Variants in WFIKKN1 observed in about 807,000 individuals in gnomAD.
The protein encoded by WFIKKN1 is WAP, follistatin/kazal, immunoglobulin, kunitz and netrin domain containing 1, also known as WAP, Kazal, immunoglobulin, Kunitz and NTR domain-containing protein 1.
Under a neutral mutation model 4.6 loss-of-function variants are expected in WFIKKN1, and 6 were observed. That is an observed-to-expected ratio of 1.31 (90% CI 0.72 to 2.59). The LOEUF is 2.59. WFIKKN1 is among the 30% of genes most tolerant of loss of function. The pLI is 0.00. For synonymous variants in WFIKKN1, 468 were observed against 367.4 expected (o/e 1.27, Z -3.13); for missense variants, 964 against 818.0 (o/e 1.18, Z -2.18).
Position 633,513 on chromosome 16 carries a change from G to A in WFIKKN1, c.1103G>A (p.Cys368Tyr), listed in dbSNP as rs1209571796. 3 of 1,507,236 alleles carry A rather than the reference G, an allele frequency of 2.0e-6. No homozygotes were observed. The highest frequency in any genetic ancestry group is 2.6e-6 in the Non-Finnish European group (3 of 1,137,902). 93.4% of individuals were successfully genotyped at this position (1,507,236 alleles called of 1,614,324 possible). The change falls in exon 2 of 2, where the codon TGC becomes TAC. Residue 368 changes from cysteine to tyrosine, a missense_variant. Transcript: ENST00000319070. ...GTGCTGCCTGCCGTGCAGGGCCCCT[G>A]CCGGGGCTGGGAGCCGCGCTGGGCC... The part of the protein sequence containing the change: ...ACVLPAVQGP[C>Y]RGWEPRWAYS...
rs1339936936 is a variant in WFIKKN1, at chr16:631,162, C to CGGAGGGTGGATGCCTGCA, written c.-88_-71dup. ...CTGGTGGGGGCACCGACCACAGGCCCGGAGGGTGGATGCCTGCAGGAAGCT... is the reference window on the plus strand; with the variant it reads ...CTGGTGGGGGCACCGACCACAGGCCCGGAGGGTGGATGCCTGCAGGAGGGTGGATGCCTGCAGGAAGCT... On this transcript the variant is annotated 5_prime_UTR_variant, in exon 1 of 2. The change creates a new upstream start codon in the 5' untranslated region. Coordinates refer to ENST00000319070, the MANE Select transcript of WFIKKN1 (RefSeq NM_053284.3). 7.1e-7 allele frequency: 1 copy of CGGAGGGTGGATGCCTGCA among 1,417,232 alleles called. No individual in the cohort carries two copies. Among genetic ancestry groups the CGGAGGGTGGATGCCTGCA allele is most frequent in the African/African-American group, 1.5e-5 (1 of 67,918 alleles). The allele number at this position is 1,417,232 out of a possible 1,614,324, so 87.8% of individuals were successfully genotyped here.
chr16:633,922 G>A lies in WFIKKN1; in HGVS notation c.1512G>A (p.Met504Ile). ...MTAGDGPLVI[M>I]GEVRDGVAVL... ...CGGGCGACGGGCCGCTGGTCATCAT[G>A]GGTGAGGTGCGCGATGGCGTGGCCG... The change falls in exon 2 of 2, where the codon ATG (methionine) becomes ATA (isoleucine). Residue 504 changes from methionine (M) to isoleucine (I), a missense_variant. Transcript: ENST00000319070. 6.3e-7 allele frequency: 1 copy of A among 1,595,300 alleles called. No individual in the cohort carries two copies. Among genetic ancestry groups the A allele is most frequent in the Non-Finnish European group, 8.5e-7 (1 of 1,171,906 alleles).
chr16:633,938 GGCGTGGCCGTGCTGGACGCCGGC>G lies in WFIKKN1; in HGVS notation c.1529_1551del (p.Gly510GlufsTer44). ...GGTCATCATGGGTGAGGTGCGCGAT[GGCGTGGCCGTGCTGGACGCCGGC>G]AGCTACGTCCGCGCCGCCAGCGAGA... On this transcript the variant is annotated frameshift_variant, in exon 2 of 2. Coordinates refer to ENST00000319070, the MANE Select transcript of WFIKKN1 (RefSeq NM_053284.3). LOFTEE classifies it low-confidence loss of function (END_TRUNC). The G allele has an allele frequency of 1.3e-6, 2 of 1,595,654 alleles. No individual in the cohort carries two copies. Among genetic ancestry groups the G allele is most frequent in the Non-Finnish European group, 1.7e-6 (2 of 1,171,976 alleles).
At chr16:632,455 C>G (rs1010479203) in intron 1 of WFIKKN1, 127 bp from the exon 2 acceptor site, 3 of 1,226,016 alleles carry the variant, frequency 2.4e-6, no homozygotes, top group African/African-American at 1.6e-5. Context: ...ACACTGAGTC[C>G]CCGGGGAGGC....
rs781647041 is a variant in WFIKKN1 at position 633,597 on chromosome 16, G to A, written c.1187G>A (p.Gly396Asp). The A allele has an allele frequency of 5.7e-6, 9 of 1,572,630 alleles. No individual in the cohort carries two copies. The highest frequency in any genetic ancestry group is 4.1e-5 in the African/African-American group (3 of 72,366). Residue 396 changes from glycine to aspartate, a missense_variant, in exon 2 of 2, where the codon GGC (glycine) becomes GAC (aspartate). Gly to Asp is a moderately conservative substitution (Grantham distance 94). Coordinates refer to ENST00000319070, the MANE Select transcript of WFIKKN1 (RefSeq NM_053284.3). ...PFVYGGCEGN[G>D]NNFHSRESCE... Reference sequence around the variant, plus strand: ...GTGTACGGTGGCTGCGAGGGCAACGGCAACAACTTCCACAGCCGCGAGAGC... The same window carrying A: ...GTGTACGGTGGCTGCGAGGGCAACGACAACAACTTCCACAGCCGCGAGAGC...
chr16:632,690 G>C lies in WFIKKN1; in HGVS notation c.280G>C (p.Glu94Gln). Residue 94 changes from glutamate to glutamine, a missense_variant, in exon 2 of 2, where the codon GAG (glutamate) becomes CAG (glutamine). Coordinates refer to ENST00000319070, the MANE Select transcript of WFIKKN1 (RefSeq NM_053284.3). ...PAAPTTAASC[E>Q]GFVCPQQGSD... ...TGCGCCGACGACAGCGGCCTCCTGCGAGGGCTTTGTGTGCCCACAGCAGGG... is the reference window on the plus strand; with the variant it reads ...TGCGCCGACGACAGCGGCCTCCTGCCAGGGCTTTGTGTGCCCACAGCAGGG... 1 of 1,608,396 alleles carries C rather than the reference G, an allele frequency of 6.2e-7. No individual in the cohort carries two copies. Among genetic ancestry groups the C allele is most frequent in the Non-Finnish European group, 8.5e-7 (1 of 1,177,704 alleles).
chr16:631,427 G>A lies in WFIKKN1; in HGVS notation c.171+3G>A, dbSNP rs1340959507. 8 of 1,605,736 alleles carry A rather than the reference G, an allele frequency of 5.0e-6. No individual in the cohort carries two copies. The highest frequency in any genetic ancestry group is 1.7e-5 in the Admixed American group (1 of 59,666). On this transcript the variant is annotated splice_donor_region_variant and intron_variant, in intron 1 of 1. Transcript: ENST00000319070. The stretch of plus-strand genomic sequence containing the variant: ...AGCGCGAGTGTAGCAGGGACCAGGT[G>A]AGTGTGGTCGGGCCGGGGTCCTGGG...
rs765873180 is a variant in WFIKKN1, at chr16:633,319, G to A, written c.909G>A (p.Val303=). 6.3e-7 allele frequency: 1 copy of A among 1,593,690 alleles called. No homozygotes were observed. ...IPAPAECLPD[V]QACTGPTSPH... ...CCCCGGCCGAGTGCCTGCCGGATGT[G>A]CAGGCCTGCACGGGCCCCACTTCCC... The change falls in exon 2 of 2, where the codon GTG becomes GTA. Residue 303 remains valine (V), a synonymous_variant. Coordinates refer to ENST00000319070, the MANE Select transcript of WFIKKN1 (RefSeq NM_053284.3).
At position 634,099 on chromosome 16, in the gene WFIKKN1, G is replaced by A. The variant is rs2036998523; in HGVS notation, c.*42G>A. On this transcript the variant is annotated 3_prime_UTR_variant, in exon 2 of 2. Transcript: ENST00000319070. ...CGCCACCCCGTCCTGGTGAATAAACGCACTCCCTGTGCCTCAGACCTCCTG... is the reference window on the plus strand; with the variant it reads ...CGCCACCCCGTCCTGGTGAATAAACACACTCCCTGTGCCTCAGACCTCCTG... 3.3e-6 allele frequency: 5 copies of A among 1,495,666 alleles called. No homozygotes were observed. Among genetic ancestry groups the A allele is most frequent in the Non-Finnish European group, 2.7e-6 (3 of 1,131,090 alleles). 92.6% of individuals were successfully genotyped at this position (1,495,666 alleles called of 1,614,324 possible). A position where few individuals can be genotyped will look rare whatever the true frequency, so the allele number is the denominator to read the frequency against.
Position 633,107 on chromosome 16 carries a change from C to T in WFIKKN1, c.697C>T (p.Pro233Ser). ...SHQRENLIMR[P>S]DQMYGNVVVT... is the part of the protein sequence containing the mutation. ...CCAGCGAGAGAACCTGATCATGCGC[C>T]CTGATCAGATGTATGGCAACGTGGT... The change falls in exon 2 of 2, where the codon CCT (proline) becomes TCT (serine). Residue 233 changes from proline (P) to serine (S), a missense_variant. By Grantham distance (74) the Pro-to-Ser change is moderately conservative. Transcript: ENST00000319070. 1 of 1,611,766 alleles carries T rather than the reference C, an allele frequency of 6.2e-7. No individual in the cohort carries two copies. Among genetic ancestry groups the T allele is most frequent in the Non-Finnish European group, 8.5e-7 (1 of 1,179,294 alleles).
chr16:631,153 CCACAGGCCCGGAGGGTGGAT>C lies in WFIKKN1; in HGVS notation c.-100_-81del. 1 of 1,375,942 alleles carries C rather than the reference CCACAGGCCCGGAGGGTGGAT, an allele frequency of 7.3e-7. No individual in the cohort carries two copies. The highest frequency in any genetic ancestry group is 9.6e-7 in the Non-Finnish European group (1 of 1,042,732). 85.2% of individuals were successfully genotyped at this position (1,375,942 alleles called of 1,614,324 possible). On this transcript the variant is annotated 5_prime_UTR_variant, in exon 1 of 2. An upstream start codon of the reference 5' UTR is lost. Coordinates refer to ENST00000319070, the MANE Select transcript of WFIKKN1 (RefSeq NM_053284.3). ...CCCGGGGTCCTGGTGGGGGCACCGA[CCACAGGCCCGGAGGGTGGAT>C]GCCTGCAGGAAGCTGGGCTCTGTGG...
At position 632,672 on chromosome 16, in the gene WFIKKN1, A is replaced by C. The variant is rs1356151197; in HGVS notation, c.262A>C (p.Thr88Pro). The C allele has an allele frequency of 2.1e-5, 34 of 1,605,518 alleles. No individual in the cohort carries two copies. Among genetic ancestry groups the C allele is most frequent in the Non-Finnish European group, 2.6e-5 (30 of 1,176,210 alleles). The change falls in exon 2 of 2, where the codon ACG becomes CCG. Residue 88 changes from threonine to proline, a missense_variant. Transcript: ENST00000319070. ...ARFPGSPAAP[T>P]TAASCEGFVC... ...CTTCCCCGGCAGCCCAGCTGCGCCG[A>C]CGACAGCGGCCTCCTGCGAGGGCTT... is the stretch of plus-strand genomic sequence containing the variant.
Position 632,873 on chromosome 16 carries a change from G to C in WFIKKN1, c.463G>C (p.Val155Leu), listed in dbSNP as rs774157032. 3 of 1,575,636 alleles carry C rather than the reference G, an allele frequency of 1.9e-6. No individual in the cohort carries two copies. Among genetic ancestry groups the C allele is most frequent in the African/African-American group, 2.7e-5 (2 of 73,786 alleles). Residue 155 changes from valine (V) to leucine (L), a missense_variant, in exon 2 of 2, where the codon GTG (valine) becomes CTG (leucine). By Grantham distance (32) the Val-to-Leu change is conservative. Transcript: ENST00000319070. ...CCTGCGGGGCCTGCACCTCCACATCGTGCCCTGCAAGCACGTGCTCAGCTG... is the reference window on the plus strand; with the variant it reads ...CCTGCGGGGCCTGCACCTCCACATCCTGCCCTGCAAGCACGTGCTCAGCTG... The part of the protein sequence containing the change: ...ACLRGLHLHI[V>L]PCKHVLSWPP...
At position 633,834 on chromosome 16, in the gene WFIKKN1, C is replaced by G; in HGVS notation, c.1424C>G (p.Thr475Ser). The G allele has an allele frequency of 1.2e-6, 2 of 1,601,410 alleles. No homozygotes were observed. The highest frequency in any genetic ancestry group is 1.7e-6 in the Non-Finnish European group (2 of 1,174,578). The change falls in exon 2 of 2, where the codon ACC becomes AGC. Residue 475 changes from threonine to serine, a missense_variant. Transcript: ENST00000319070. ...AAGATGGGCCTCAAGTTCTTGGGCA[C>G]CAAGTACCTGGAGGTGACGCTGAGT... ...DDKMGLKFLG[T>S]KYLEVTLSGM...
Position 631,386 on chromosome 16 carries a change from G to A in WFIKKN1, c.133G>A (p.Ala45Thr), listed in dbSNP as rs2036947184. ...NQLSPNLWVD[A>T]QSTCERECSR... ...GCTCAGCCCCAACCTGTGGGTGGACGCCCAGAGCACCTGTGAGCGCGAGTG... is the reference window on the plus strand; with the variant it reads ...GCTCAGCCCCAACCTGTGGGTGGACACCCAGAGCACCTGTGAGCGCGAGTG... The change falls in exon 1 of 2, where the codon GCC becomes ACC. Residue 45 changes from alanine to threonine, a missense_variant. Coordinates refer to ENST00000319070, the MANE Select transcript of WFIKKN1 (RefSeq NM_053284.3). 3 of 1,609,404 alleles carry A rather than the reference G, an allele frequency of 1.9e-6. No homozygotes were observed. Among genetic ancestry groups the A allele is most frequent in the South Asian group, 1.1e-5 (1 of 91,034 alleles).
In WFIKKN1 at chr16:632,534, C is replaced by A. The variant is rs373848240; in HGVS notation, c.172-48C>A. On this transcript the variant is annotated intron_variant, in intron 1 of 1. Transcript: ENST00000319070. ...CCTTGCAGGGGCCAGGCCAGAGCCCCGGGGCGGGGGGCATTGGGGCTCCCA... is the reference window on the plus strand; with the variant it reads ...CCTTGCAGGGGCCAGGCCAGAGCCCAGGGGCGGGGGGCATTGGGGCTCCCA... 1.2e-5 allele frequency: 17 copies of A among 1,447,186 alleles called. 1 individual carries two copies. The highest frequency in any genetic ancestry group is 2.8e-5 in the Admixed American group (1 of 36,272). The allele number at this position is 1,447,186 out of a possible 1,614,324, so 89.6% of individuals were successfully genotyped here.
In WFIKKN1 at chr16:631,280, G is replaced by A. The variant is rs4984905; in HGVS notation, c.27G>A (p.Pro9=). 1,403 of 1,584,208 alleles carry A rather than the reference G, an allele frequency of 8.9e-4. No individual in the cohort carries two copies. Among genetic ancestry groups the A allele is most frequent in the Non-Finnish European group, 1.1e-3 (1,311 of 1,172,404 alleles). Residue 9 remains proline (P), a synonymous_variant, in exon 1 of 2, where the codon CCG becomes CCA. Transcript: ENST00000319070. ...TGCCCGCCCTACGTCCACTCCTGCC[G>A]CTCCTGCTCCTCCTCCGGCTGACCT... MPALRPLL[P]LLLLLRLTSG... is the part of the protein sequence containing the mutation.
chr16:633,852 C>T lies in WFIKKN1; in HGVS notation c.1442C>T (p.Thr481Met), dbSNP rs148108779. The T allele has an allele frequency of 2.3e-4, 362 of 1,598,008 alleles. 4 individuals carry two copies. In the African/African-American group the frequency reaches 3.9e-3, roughly 17 times the overall value. The change falls in exon 2 of 2, where the codon ACG (threonine) becomes ATG (methionine). Residue 481 changes from threonine to methionine, a missense_variant. Thr to Met is a moderately conservative substitution (Grantham distance 81). Coordinates refer to ENST00000319070, the MANE Select transcript of WFIKKN1 (RefSeq NM_053284.3). ...KFLGTKYLEV[T>M]LSGMDWACPC... ...TTGGGCACCAAGTACCTGGAGGTGA[C>T]GCTGAGTGGCATGGACTGGGCCTGC...
rs764887078 is a variant in WFIKKN1, at chr16:633,777, G to A, written c.1367G>A (p.Arg456His). The A allele has an allele frequency of 1.6e-5, 26 of 1,599,016 alleles. No individual in the cohort carries two copies. The highest frequency in any genetic ancestry group is 3.4e-5 in the South Asian group (3 of 88,958). ...CCCGAGGCCGCCGGCGGCATCGCCCGCGTGGCGCTCGAGGACGTGCTCAAG... is the reference window on the plus strand; with the variant it reads ...CCCGAGGCCGCCGGCGGCATCGCCCACGTGGCGCTCGAGGACGTGCTCAAG... ...EEPEAAGGIA[R>H]VALEDVLKDD... The change falls in exon 2 of 2, where the codon CGC becomes CAC. Residue 456 changes from arginine (R) to histidine (H), a missense_variant. Coordinates refer to ENST00000319070, the MANE Select transcript of WFIKKN1 (RefSeq NM_053284.3).
Sources: gnomAD v4.1 joint callset for allele counts on GRCh38, gnomAD v4.1.1 for gene constraint, MANE v1.5 for transcripts, NCBI Gene and HGNC (gene_info 2026-07-23, HGNC 2026-07-21) for gene names.